DGCR2: variants seen among roughly 807,000 people sequenced by gnomAD.
DGCR2 encodes the protein integral membrane protein DGCR2/IDD.
Under a neutral mutation model 51.6 loss-of-function variants are expected in DGCR2, and 24 were observed. The observed-to-expected ratio is 0.47, with a 90% CI of 0.34 to 0.65. The LOEUF (loss-of-function observed/expected upper bound fraction) is 0.65, where lower values mean the gene tolerates loss of function less well. Ranked by LOEUF, DGCR2 falls within the 30% of genes least tolerant of loss-of-function variation. The probability of loss-of-function intolerance (pLI) is 0.01; values close to 1 mark genes in which losing one functional copy is unlikely to be tolerated. For synonymous variants in DGCR2, 340 were observed against 315.4 expected (o/e 1.08, Z -0.82); for missense variants, 765 against 772.1 (o/e 0.99, Z 0.11).
chr22:19,113,196 C>T (rs1038014710), intron 1 of DGCR2, among the ~76,000 whole-genome samples: 1 of 151,910 alleles, frequency 6.6e-6, no homozygotes, highest in South Asian at 2.1e-4. Context: ...ATGGTGAAAC[C>T]CCATCTTTAC....
intron 1 of DGCR2, among the ~76,000 whole-genome samples, chr22:19,115,592 T>C (rs546585308): frequency 4.6e-5 from 7 of 152,362 alleles, no homozygotes; most frequent in African/African-American, 1.4e-4. Flanking sequence ...TATGTCAAAA[T>C]ATAAATAGGC....
intron 2 of DGCR2, among the ~76,000 whole-genome samples, chr22:19,073,479 G>A (rs1207535003): frequency 6.6e-6 from 1 of 152,156 alleles, no homozygotes; most frequent in East Asian, 1.9e-4. Flanking sequence ...ACAGAGAACA[G>A]GAAAGTGACC....
chr22:19,059,999 G>C (rs1485803215), intron 5 of DGCR2, among the ~76,000 whole-genome samples: 1 of 152,136 alleles, frequency 6.6e-6, no homozygotes, highest in Non-Finnish European at 1.5e-5. Context: ...CACAGAATGA[G>C]CCTCCACTCG....
At chr22:19,079,640 A>AC (rs1290026332) in intron 2 of DGCR2, among the ~76,000 whole-genome samples, 1 of 152,250 alleles carries the variant, frequency 6.6e-6, no homozygotes, top group Non-Finnish European at 1.5e-5. Context: ...TGTAGCATGT[A>AC]ATGTAATCCT....
chr22:19,078,680 CTGATTTTAGTT>C (rs2082905268), intron 2 of DGCR2, among the ~76,000 whole-genome samples: 1 of 152,194 alleles, frequency 6.6e-6, no homozygotes, highest in African/African-American at 2.4e-5. Context: ...TGACCACTGA[CTGATTTTAGTT>C]TGCTGAGACA....
intron 2 of DGCR2, among the ~76,000 whole-genome samples, chr22:19,069,919 C>T (rs900952605): frequency 1.3e-5 from 2 of 152,168 alleles, no homozygotes; most frequent in Non-Finnish European, 2.9e-5. Context: ...GAGACACTTT[C>T]AACAGAAAGT....
chr22:19,120,772 C>A (rs1034907646), intron 1 of DGCR2, among the ~76,000 whole-genome samples: 1 of 152,222 alleles, frequency 6.6e-6, no homozygotes, highest in Non-Finnish European at 1.5e-5. Flanking sequence ...AGAAGTTAAT[C>A]ACAAGAATCC....
At chr22:19,094,197 G>A (rs1162137074) in intron 1 of DGCR2, among the ~76,000 whole-genome samples, 1 of 152,270 alleles carries the variant, frequency 6.6e-6, no homozygotes, top group Non-Finnish European at 1.5e-5. Flanking sequence ...GGAGGCTGAG[G>A]TGGGTGGATC....
At chr22:19,084,613 C>T (rs1432267512) in intron 2 of DGCR2, among the ~76,000 whole-genome samples, 2 of 151,354 alleles carry the variant, frequency 1.3e-5, no homozygotes, top group African/African-American at 2.4e-5. Flanking sequence ...GCAGCCGCCC[C>T]GTCTGGGAAG....
chr22:19,045,142 G>T (rs1388471040), intron 7 of DGCR2: 1 of 152,192 alleles, frequency 6.6e-6, no homozygotes, highest in Non-Finnish European at 1.5e-5. Flanking sequence ...ACAGTAGGAG[G>T]GACAGTGTAA....
Position 19,039,049 on chromosome 22 carries a change from A to G in DGCR2, c.1469T>C (p.Leu490Pro). The stretch of plus-strand genomic sequence containing the variant: ...GGGCAGAGGCTGCTCCAGGCGCCGG[A>G]GTAATGCACCTTCACTCCCACCATC... ...PGDGGSEGAL[L>P]RRLEQPLPTA... Residue 490 changes from leucine to proline, a missense_variant, in exon 10 of 10, where the codon CTC (leucine) becomes CCC (proline). Leu to Pro is a moderately conservative substitution (Grantham distance 98). Around this residue, in one of 3 missense-constraint regions of DGCR2, gnomAD observed 205 missense variants for 181.4 expected, o/e 1.13. Transcript: ENST00000263196. The G allele has an allele frequency of 1.9e-6, 3 of 1,613,144 alleles. No individual in the cohort carries two copies. The highest frequency in any genetic ancestry group is 2.5e-6 in the Non-Finnish European group (3 of 1,179,970).
intron 1 of DGCR2, among the ~76,000 whole-genome samples, chr22:19,120,993 T>C (rs944535698): frequency 6.6e-6 from 1 of 152,192 alleles, no homozygotes; most frequent in Admixed American, 6.5e-5. Context: ...GTCAGGGCCT[T>C]GGCCACCAGG....
chr22:19,111,530 G>A lies in DGCR2; in HGVS notation c.79+10598C>T, dbSNP rs1029519021. On this transcript the variant is annotated intron_variant, in intron 1 of 9. Transcript: ENST00000263196. ...ACCAAGCAAGCTAATTAACCTCTCT[G>A]GGTCTTAGCATCCTAATCTCCAAAA... is the stretch of plus-strand genomic sequence containing the variant. Among the ~76,000 whole-genome samples the A allele has an allele frequency of 3.9e-5, 6 of 152,224 alleles. No homozygotes were observed. In the South Asian group the frequency reaches 6.2e-4, roughly 16 times the overall value.
chr22:19,038,735 G>T lies in DGCR2; in HGVS notation c.*130C>A. 1 of 1,297,194 alleles carries T rather than the reference G, an allele frequency of 7.7e-7. No individual in the cohort carries two copies. The highest frequency in any genetic ancestry group is 1.1e-6 in the Non-Finnish European group (1 of 937,108). 80.4% of individuals were successfully genotyped at this position (1,297,194 alleles called of 1,614,324 possible). A position where few individuals can be genotyped will look rare whatever the true frequency, so the allele number is the denominator to read the frequency against. On this transcript the variant is annotated 3_prime_UTR_variant, in exon 10 of 10. Transcript: ENST00000263196. ...GGCTGTGGTCTCTATGTACACACGC[G>T]AGCCCGCCAGTGACGTGCGGCAGTG... is the stretch of plus-strand genomic sequence containing the variant.
intron 1 of DGCR2, among the ~76,000 whole-genome samples, chr22:19,120,943 A>AC (rs1425075128): frequency 6.6e-6 from 1 of 152,214 alleles, no homozygotes; most frequent in Admixed American, 6.5e-5. Flanking sequence ...ACATGGGGAG[A>AC]CCAGAGAAGC....
In DGCR2 at chr22:19,063,210, G is replaced by T. The variant is rs931311506; in HGVS notation, c.617C>A (p.Ala206Glu). 3 of 1,614,122 alleles carry T rather than the reference G, an allele frequency of 1.9e-6. No individual in the cohort carries two copies. The highest frequency in any genetic ancestry group is 1.7e-6 in the Non-Finnish European group (2 of 1,179,994). Residue 206 changes from alanine to glutamate, a missense_variant, in exon 5 of 10, where the codon GCA (alanine) becomes GAA (glutamate). By Grantham distance (107) the Ala-to-Glu change is moderately radical. Around this residue, in one of 3 missense-constraint regions of DGCR2, gnomAD observed 370 missense variants for 325.5 expected, o/e 1.14. Coordinates refer to ENST00000263196, the MANE Select transcript of DGCR2 (RefSeq NM_005137.3). Reference sequence around the variant, plus strand: ...ACACCAGAAGGGCTCACCTTTGAATGCCACCTCCCAGCGACCTTCCAAGGA... The same window carrying T: ...ACACCAGAAGGGCTCACCTTTGAATTCCACCTCCCAGCGACCTTCCAAGGA... ...NRSLEGRWEV[A>E]FKGSSEVFLP...
chr22:19,096,966 G>A (rs886301277), intron 1 of DGCR2, among the ~76,000 whole-genome samples: 3 of 150,558 alleles, frequency 2.0e-5, no homozygotes, highest in African/African-American at 4.9e-5. Flanking sequence ...CCAAATCTAC[G>A]CCCTAACATA....
At chr22:19,039,652 C>G (rs2082409593) in intron 9 of DGCR2, among the ~76,000 whole-genome samples, 1 of 152,166 alleles carries the variant, frequency 6.6e-6, no homozygotes, top group African/African-American at 2.4e-5. Context: ...GCAGGAAGCT[C>G]TGATCCAAGG....
At position 19,119,978 on chromosome 22, in the gene DGCR2, C is replaced by T. The variant is rs886736556; in HGVS notation, c.79+2150G>A. The stretch of plus-strand genomic sequence containing the variant: ...AAGGCCGGAATCCCCACAGAAAGAA[C>T]GCAGACTAAGACCAGAGAAGCCCCA... On this transcript the variant is annotated intron_variant, in intron 1 of 9. Coordinates refer to ENST00000263196, the MANE Select transcript of DGCR2 (RefSeq NM_005137.3). 2.0e-5 allele frequency among the ~76,000 whole-genome samples: 3 copies of T among 152,058 alleles called. No individual in the cohort carries two copies. In the South Asian group the frequency reaches 6.2e-4, roughly 32 times the overall value.
Sources: allele counts gnomAD v4.1 joint callset (sites outside exome capture counted in the v4.1 genomes callset), GRCh38; gene constraint gnomAD v4.1.1; regional missense constraint gnomAD v4.1.1; transcripts MANE v1.5; gene names NCBI Gene and HGNC (gene_info 2026-07-23, HGNC 2026-07-21).